Variants in TOGARAM2 observed in about 807,000 individuals in gnomAD.
TOGARAM2 encodes TOG array regulator of axonemal microtubules protein 2.
Under a neutral mutation model 93.3 loss-of-function variants are expected in TOGARAM2, and 85 were observed. That is an observed-to-expected ratio of 0.91 (90% CI 0.76 to 1.09). TOGARAM2 has a LOEUF of 1.09. Among genes scored for constraint, TOGARAM2 ranks in the 50% least tolerant of loss-of-function variants. TOGARAM2 has a pLI of 0.00. For synonymous variants in TOGARAM2, 593 were observed against 552.8 expected (o/e 1.07, Z -1.02); for missense variants, 1,277 against 1,334.5 (o/e 0.96, Z 0.67).
intron 19 of TOGARAM2, chr2:29,048,266 GAC>G (rs1666863904): frequency 6.6e-6 from 1 of 152,072 alleles, no homozygotes; most frequent in Admixed American, 6.5e-5. Context: ...TCCCTCCCAT[GAC>G]ACGTAGGAAT....
At chr2:28,999,519 G>T (rs1031335456) in intron 4 of TOGARAM2, 51 bp downstream of exon 4, 28 of 1,521,750 alleles carry the variant, frequency 1.8e-5, no homozygotes, top group Non-Finnish European at 2.5e-5. Context: ...CAGGTCAAGG[G>T]CCGCAGGCCT....
At chr2:29,007,362 T>C (rs1663947140) in intron 6 of TOGARAM2, among the ~76,000 whole-genome samples, 1 of 152,128 alleles carries the variant, frequency 6.6e-6, no homozygotes, top group East Asian at 1.9e-4. Flanking sequence ...GACCTCCTCA[T>C]TGCTGTCAAG....
At chr2:29,022,033 C>A in intron 10 of TOGARAM2, 125 bp from the exon 11 acceptor site, 1 of 1,288,398 alleles carries the variant, frequency 7.8e-7, no homozygotes, top group Non-Finnish European at 1.1e-6. Flanking sequence ...ACTTGTACAC[C>A]CTCCCTGTTA....
At chr2:28,973,400 CTTCCTTCCTCCT>C (rs1301169036) in intron 1 of TOGARAM2, among the ~76,000 whole-genome samples, 7 of 93,938 alleles carry the variant, frequency 7.5e-5, no homozygotes, top group African/African-American at 1.4e-4. Context: ...TCCTCCCTTC[CTTCCTTCCTCCT>C]TTCCTTCTTT....
chr2:29,005,738 CATATATGTGTGT>C (rs1330930442), intron 6 of TOGARAM2, among the ~76,000 whole-genome samples: 10 of 49,180 alleles, frequency 2.0e-4, no homozygotes, highest in South Asian at 6.2e-4. Context: ...TGTGTGAGCA[CATATATGTGTGT>C]ATGTGTGTGT....
rs999139067 is a variant in TOGARAM2 at position 29,024,355 on chromosome 2, C to T, written c.1834C>T (p.Leu612Phe). ...NVTLARSLVV[L>F]TSAGVYHRNP... ...GACCCTTGCCCGCTCCCTGGTGGTC[C>T]TCACCTCGGCGGGTGTCTAGTATGT... Residue 612 changes from leucine to phenylalanine, a missense_variant, in exon 13 of 20, where the codon CTC becomes TTC. Coordinates refer to ENST00000379558, the MANE Select transcript of TOGARAM2 (RefSeq NM_199280.4). 64 of 1,608,344 alleles carry T rather than the reference C, an allele frequency of 4.0e-5. No homozygotes were observed. Among genetic ancestry groups the T allele is most frequent in the Non-Finnish European group, 5.2e-5 (61 of 1,177,562 alleles).
rs770300622 is a variant in TOGARAM2 at position 29,002,564 on chromosome 2, A to G, written c.456A>G (p.Gln152=). Residue 152 remains glutamine (Q), a synonymous_variant, in exon 5 of 20, where the codon CAA becomes CAG. Coordinates refer to ENST00000379558, the MANE Select transcript of TOGARAM2 (RefSeq NM_199280.4). ...CTCTGGATCCAGGGGGAGGCCCCCAAGGAGTTCCCCTGCACAGCACCATCC... is the reference window on the plus strand; with the variant it reads ...CTCTGGATCCAGGGGGAGGCCCCCAGGGAGTTCCCCTGCACAGCACCATCC... The part of the protein sequence containing the change: ...RASLDPGGGP[Q]GVPLHSTIPR... The G allele has an allele frequency of 3.1e-6, 5 of 1,613,830 alleles. No individual in the cohort carries two copies. The highest frequency in any genetic ancestry group is 4.2e-6 in the Non-Finnish European group (5 of 1,179,832).
rs184519173 is a variant in TOGARAM2 at position 28,974,896 on chromosome 2, G to T, written c.-147+18199G>T. Among the ~76,000 whole-genome samples, 293 of 152,058 alleles carry T rather than the reference G, an allele frequency of 1.9e-3. 12 individuals carry two copies. In the East Asian group the frequency reaches 0.05, roughly 26 times the overall value. On this transcript the variant is annotated intron_variant, in intron 1 of 6. Transcript: ENST00000401723. ...TCCTCCCACCTTGGCCTCCCAAATT[G>T]TTGGGATTACAGCCATGAGCCACTG... is the stretch of plus-strand genomic sequence containing the variant.
rs373300546 is a variant in TOGARAM2, at chr2:29,024,365, C to T, written c.1844C>T (p.Ala615Val). Residue 615 changes from alanine to valine, a missense_variant, in exon 13 of 20, where the codon GCG (alanine) becomes GTG (valine). Physicochemically the swap from Ala to Val is moderately conservative, Grantham distance 64. Transcript: ENST00000379558. ...LARSLVVLTS[A>V]GVYHRNPLIR... ...CGCTCCCTGGTGGTCCTCACCTCGG[C>T]GGGTGTCTAGTATGTGGCTGCCTGT... The T allele has an allele frequency of 7.7e-6, 12 of 1,568,032 alleles. No individual in the cohort carries two copies. The highest frequency in any genetic ancestry group is 1.7e-4 in the Middle Eastern group (1 of 5,852).
At chr2:29,009,874 A>G (rs906016029) in intron 6 of TOGARAM2, among the ~76,000 whole-genome samples, 2 of 152,038 alleles carry the variant, frequency 1.3e-5, no homozygotes, top group African/African-American at 4.8e-5. Context: ...CACGTGCAGG[A>G]AGGCAGGGGC....
intron 1 of TOGARAM2, among the ~76,000 whole-genome samples, chr2:28,974,277 A>C (rs1290993225): frequency 6.6e-6 from 1 of 151,752 alleles, no homozygotes; most frequent in East Asian, 1.9e-4. Flanking sequence ...ACAGGTGTGC[A>C]CCACCACGCC....
intron 7 of TOGARAM2, 53 bp from the exon 8 acceptor site, chr2:29,014,342 G>GCTCAGCAGTGAC: frequency 6.3e-7 from 1 of 1,578,188 alleles, no homozygotes; most frequent in Non-Finnish European, 8.6e-7. Context: ...GGGTCAGTGA[G>GCTCAGCAGTGAC]CTCAGCAGTG....
chr2:29,036,646 C>A lies in TOGARAM2; in HGVS notation c.2524C>A (p.His842Asn). The stretch of plus-strand genomic sequence containing the variant: ...GATCCCCCTCCTCAGAGAGAGCTTA[C>A]ACCCCATGCTGCTCTCCATCATCAT... ...KMIPLLRESL[H>N]PMLLSIIITV... The change falls in exon 18 of 20, where the codon CAC becomes AAC. Residue 842 changes from histidine to asparagine, a missense_variant. Coordinates refer to ENST00000379558, the MANE Select transcript of TOGARAM2 (RefSeq NM_199280.4). 1.2e-6 allele frequency: 2 copies of A among 1,613,990 alleles called. No homozygotes were observed. Among genetic ancestry groups the A allele is most frequent in the South Asian group, 2.2e-5 (2 of 91,080 alleles).
In TOGARAM2 at chr2:29,032,955, G is replaced by A; in HGVS notation, c.2034G>A (p.Val678=). ...GCAGATTTTATGGCCGGAAGATGGT[G>A]AATATCTTGATGGCGAACACTAAGT... is the stretch of plus-strand genomic sequence containing the variant. ...QDTRFYGRKM[V]NILMANTKFD... is the part of the protein sequence containing the mutation. Residue 678 remains valine (V), a synonymous_variant, in exon 15 of 20, where the codon GTG becomes GTA. Transcript: ENST00000379558. 1 of 1,613,798 alleles carries A rather than the reference G, an allele frequency of 6.2e-7. No individual in the cohort carries two copies. Among genetic ancestry groups the A allele is most frequent in the South Asian group, 1.1e-5 (1 of 90,980 alleles).
intron 10 of TOGARAM2, chr2:29,018,274 G>A (rs528397951): frequency 2.3e-5 from 7 of 306,832 alleles, no homozygotes; most frequent in Non-Finnish European, 4.2e-5. Context: ...GGAAGCAGCT[G>A]TGAACAGCAG....
chr2:28,962,161 C>T (rs1671811637), intron 1 of TOGARAM2, among the ~76,000 whole-genome samples: 1 of 151,546 alleles, frequency 6.6e-6, no homozygotes. Flanking sequence ...GCTATATACA[C>T]TATATATACA....
At chr2:29,004,175 T>A (rs1016587552) in intron 6 of TOGARAM2, among the ~76,000 whole-genome samples, 2 of 151,970 alleles carry the variant, frequency 1.3e-5, no homozygotes, top group African/African-American at 4.8e-5. Context: ...TAGAGACGGG[T>A]TTCAGCATGT....
chr2:29,036,836 G>A, intron 18 of TOGARAM2, 79 bp downstream of exon 18: 2 of 1,411,184 alleles, frequency 1.4e-6, no homozygotes, highest in Non-Finnish European at 2.0e-6. Flanking sequence ...GGTGGATAAG[G>A]CCTTGGTTGG....
chr2:28,984,112 T>A (rs955919503), intron 1 of TOGARAM2, among the ~76,000 whole-genome samples: 1 of 152,020 alleles, frequency 6.6e-6, no homozygotes, highest in Admixed American at 6.6e-5. Context: ...AGTGTTTGAA[T>A]TACAGACCCA....
Sources: gnomAD v4.1 joint callset for allele counts (sites outside exome capture counted in the v4.1 genomes callset) on GRCh38, gnomAD v4.1.1 for gene constraint, MANE v1.5 for transcripts, NCBI Gene and HGNC (gene_info 2026-07-23, HGNC 2026-07-21) for gene names.